Variants in ZC3H4 observed in about 807,000 individuals in gnomAD.
The protein encoded by ZC3H4 is zinc finger CCCH domain-containing protein 4.
In ZC3H4, 13 loss-of-function variants were observed where a neutral mutation model predicts 108.3. That is an observed-to-expected ratio of 0.12 (90% CI 0.08 to 0.19). ZC3H4 has a LOEUF of 0.19. ZC3H4 is among the 10% of genes least tolerant of loss of function. The pLI is 1.00. For missense variants in ZC3H4, 1,734 were observed against 1,838.8 expected (o/e 0.94, Z 1.04); for synonymous variants, 917 against 749.6 (o/e 1.22, Z -3.65).
At chr19:47,080,413 A>G (rs989966782) in intron 11 of ZC3H4, among the ~76,000 whole-genome samples, 2 of 152,128 alleles carry the variant, frequency 1.3e-5, no homozygotes, top group Non-Finnish European at 2.9e-5. Flanking sequence ...TCTAATGCAT[A>G]ATGGGGGCCC....
intron 5 of ZC3H4, 147 bp downstream of exon 5, chr19:47,089,820 T>C (rs2057699008): frequency 1.2e-6 from 1 of 810,158 alleles, no homozygotes; most frequent in South Asian, 1.7e-5. Context: ...CGGTCTCCTG[T>C]GCCATGCACA....
Position 47,064,955 on chromosome 19 carries a change from G to A in ZC3H4, c.*1401C>T, listed in dbSNP as rs1364498646. 1 of 152,252 alleles carries A rather than the reference G, an allele frequency of 6.6e-6. No homozygotes were observed. The highest frequency in any genetic ancestry group is 2.4e-5 in the African/African-American group (1 of 41,456). 9.4% of individuals were successfully genotyped at this position (152,252 alleles called of 1,614,324 possible). A position where few individuals can be genotyped will look rare whatever the true frequency, so the allele number is the denominator to read the frequency against. ...ACTAGGTCTCTTCATGGTCAGCAAT[G>A]AAGAGCTTGGCCTGCAGCCACATGG... On this transcript the variant is annotated 3_prime_UTR_variant, in exon 15 of 15. Transcript: ENST00000253048.
chr19:47,111,596 CGA>C (rs2058039766), intron 2 of ZC3H4, among the ~76,000 whole-genome samples: 1 of 152,054 alleles, frequency 6.6e-6, no homozygotes, highest in Non-Finnish European at 1.5e-5. Context: ...CTACGAAAAG[CGA>C]GAGGACCCCT....
chr19:47,112,602 G>A lies in ZC3H4; in HGVS notation c.-5-13C>T. On this transcript the variant is annotated splice_polypyrimidine_tract_variant and intron_variant, in intron 1 of 14. Transcript: ENST00000253048. The stretch of plus-strand genomic sequence containing the variant: ...GCCTCCATAGTTCCTTTGGGGGGGA[G>A]GGGATGTTAATGCACGAAAAAGGAC... 6 of 1,212,468 alleles carry A rather than the reference G, an allele frequency of 4.9e-6. No individual in the cohort carries two copies. The highest frequency in any genetic ancestry group is 6.2e-6 in the Non-Finnish European group (6 of 968,404). 75.1% of individuals were successfully genotyped at this position (1,212,468 alleles called of 1,614,324 possible). A position where few individuals can be genotyped will look rare whatever the true frequency, so the allele number is the denominator to read the frequency against.
chr19:47,069,218 C>T lies in ZC3H4; in HGVS notation c.2272G>A (p.Val758Ile), dbSNP rs2057280363. 6.2e-7 allele frequency: 1 copy of T among 1,612,956 alleles called. No individual in the cohort carries two copies. Reference sequence around the variant, plus strand: ...TGGGCTGAGGGCAGGAAGTCAGGGACACCGGCGCCTGGCTTCGGCCGGCCT... The same window carrying T: ...TGGGCTGAGGGCAGGAAGTCAGGGATACCGGCGCCTGGCTTCGGCCGGCCT... ...PPGRPKPGAGVPDFLPSAQRA... is the reference protein window; with the variant it reads ...PPGRPKPGAGIPDFLPSAQRA... Residue 758 changes from valine to isoleucine, a missense_variant, in exon 14 of 15, where the codon GTC (valine) becomes ATC (isoleucine). Val to Ile is a conservative substitution (Grantham distance 29). This residue lies in a region of ZC3H4 where 540 missense variants were observed against 484.1 expected (regional missense o/e 1.12). Transcript: ENST00000253048.
chr19:47,085,647 A>G (rs1271610323), intron 6 of ZC3H4, among the ~76,000 whole-genome samples: 2 of 151,910 alleles, frequency 1.3e-5, no homozygotes, highest in Non-Finnish European at 2.9e-5. Flanking sequence ...CGTACACATC[A>G]CTGTGGGGCT....
chr19:47,072,739 G>T lies in ZC3H4; in HGVS notation c.1441-26C>A. ...CTGCGGGTGTGAAAGAACAAAAGAA[G>T]GTGTGGACGGGGTCAGGATGGAAAC... On this transcript the variant is annotated intron_variant, in intron 11 of 14. Coordinates refer to ENST00000253048, the MANE Select transcript of ZC3H4 (RefSeq NM_015168.2). This position sits in a 1 kb window ranked among gnomAD's most constrained non-coding sequence, Gnocchi z 5.6. The T allele has an allele frequency of 4.3e-6, 7 of 1,611,606 alleles. No homozygotes were observed. Among genetic ancestry groups the T allele is most frequent in the Non-Finnish European group, 5.9e-6 (7 of 1,179,746 alleles).
Position 47,072,813 on chromosome 19 carries a change from TAC to T in ZC3H4, c.1441-102_1441-101del. ...GAAGTTTATGAGGAAAAGTCCATAA[TAC>T]AAGGACCTTGAGATCTAAAGGCATA... On this transcript the variant is annotated intron_variant, in intron 11 of 14. Coordinates refer to ENST00000253048, the MANE Select transcript of ZC3H4 (RefSeq NM_015168.2). This position sits in a 1 kb window ranked among gnomAD's most constrained non-coding sequence, Gnocchi z 5.6. 6 of 1,385,842 alleles carry T rather than the reference TAC, an allele frequency of 4.3e-6. No individual in the cohort carries two copies. Among genetic ancestry groups the T allele is most frequent in the Non-Finnish European group, 5.9e-6 (6 of 1,020,276 alleles). The allele number at this position is 1,385,842 out of a possible 1,614,324, so 85.8% of individuals were successfully genotyped here.
At position 47,112,502 on chromosome 19, in the gene ZC3H4, G is replaced by T; in HGVS notation, c.83C>A (p.Ser28Ter). ...PPSPPPPSTP[S>*]PPPCSPDARP... ...GGCGTCGGGGGAACACGGAGGAGGC[G>T]AAGGCGTTGATGGCGGCGGCGGCGA... The change falls in exon 2 of 15, where the codon TCG becomes TAG. Residue 28 changes from serine (S) to a stop codon, truncating the protein, a stop_gained. Coordinates refer to ENST00000253048, the MANE Select transcript of ZC3H4 (RefSeq NM_015168.2). LOFTEE classifies it high-confidence loss of function. 8.9e-7 allele frequency: 1 copy of T among 1,126,052 alleles called. No homozygotes were observed. The highest frequency in any genetic ancestry group is 1.1e-6 in the Non-Finnish European group (1 of 882,384). 69.8% of individuals were successfully genotyped at this position (1,126,052 alleles called of 1,614,324 possible). A position where few individuals can be genotyped will look rare whatever the true frequency, so the allele number is the denominator to read the frequency against.
rs1000841376 is a variant in ZC3H4 at position 47,112,568 on chromosome 19, C to G, written c.17G>C (p.Gly6Ala). 1 of 1,128,290 alleles carries G rather than the reference C, an allele frequency of 8.9e-7. No individual in the cohort carries two copies. Among genetic ancestry groups the G allele is most frequent in the Non-Finnish European group, 1.1e-6 (1 of 889,764 alleles). 69.9% of individuals were successfully genotyped at this position (1,128,290 alleles called of 1,614,324 possible). MEAAP[G>A]TPPPPPSESP... ...CTCTGATGGCGGCGGCGGGGGGGTC[C>G]CGGGCGCGGCCTCCATAGTTCCTTT... The change falls in exon 2 of 15, where the codon GGG becomes GCG. Residue 6 changes from glycine (G) to alanine (A), a missense_variant. Around this residue, in one of 9 missense-constraint regions of ZC3H4, gnomAD observed 112 missense variants for 73.3 expected, o/e 1.53. Coordinates refer to ENST00000253048, the MANE Select transcript of ZC3H4 (RefSeq NM_015168.2).
At chr19:47,100,854 C>T (rs1008635195) in intron 2 of ZC3H4, among the ~76,000 whole-genome samples, 5 of 151,910 alleles carry the variant, frequency 3.3e-5, no homozygotes, top group African/African-American at 9.7e-5. Flanking sequence ...CCTGCCACCG[C>T]GTCCAGATAA....
chr19:47,081,365 G>C, intron 11 of ZC3H4, 148 bp downstream of exon 11: 1 of 654,570 alleles, frequency 1.5e-6, no homozygotes, highest in Non-Finnish European at 2.8e-6. Context: ...AGAGGACACA[G>C]TGCCCGTGTC....
chr19:47,071,264 ACAC>A (rs2057320480), intron 13 of ZC3H4, among the ~76,000 whole-genome samples: 1 of 152,144 alleles, frequency 6.6e-6, no homozygotes, highest in Non-Finnish European at 1.5e-5. Context: ...AGAGGGCTGC[ACAC>A]CACATCTCCT....
At chr19:47,096,674 A>G in intron 2 of ZC3H4, 1 of 480,330 alleles carries the variant, frequency 2.1e-6, no homozygotes, top group Non-Finnish European at 2.7e-6. Flanking sequence ...CTGGGGTTCC[A>G]TAAAGAAAAG....
chr19:47,086,637 C>A (rs1318330422), intron 5 of ZC3H4, 99 bp from the exon 6 acceptor site: 9 of 1,444,910 alleles, frequency 6.2e-6, no homozygotes, highest in Non-Finnish European at 7.2e-6. Context: ...ATCACTTCAG[C>A]TGCCTCCTCC....
At chr19:47,078,389 C>T (rs1318663079) in intron 11 of ZC3H4, among the ~76,000 whole-genome samples, 2 of 151,730 alleles carry the variant, frequency 1.3e-5, no homozygotes, top group East Asian at 1.9e-4. Context: ...GAGGCCAAGG[C>T]AGGAGAATCG....
intron 5 of ZC3H4, among the ~76,000 whole-genome samples, chr19:47,087,347 T>G (rs189886237): frequency 6.6e-6 from 1 of 152,116 alleles, no homozygotes; most frequent in East Asian, 1.9e-4. Context: ...TTTGTCTAAT[T>G]TGATTACACG....
chr19:47,066,502 A>G lies in ZC3H4; in HGVS notation c.3766T>C (p.Phe1256Leu). ...GVHNLPVPTLFGTVKQTPKTG... is the reference protein window; with the variant it reads ...GVHNLPVPTLLGTVKQTPKTG... Reference sequence around the variant, plus strand: ...TTGGGTGTCTGCTTCACCGTCCCGAAGAGGGTGGGCACGGGCAGGTTGTGC... The same window carrying G: ...TTGGGTGTCTGCTTCACCGTCCCGAGGAGGGTGGGCACGGGCAGGTTGTGC... The change falls in exon 15 of 15, where the codon TTC (phenylalanine) becomes CTC (leucine). Residue 1256 changes from phenylalanine to leucine, a missense_variant. By Grantham distance (22) the Phe-to-Leu change is conservative. Around this residue, in one of 9 missense-constraint regions of ZC3H4, gnomAD observed 518 missense variants for 499.6 expected, o/e 1.04. Coordinates refer to ENST00000253048, the MANE Select transcript of ZC3H4 (RefSeq NM_015168.2). The G allele has an allele frequency of 6.3e-7, 1 of 1,578,476 alleles. No individual in the cohort carries two copies. Among genetic ancestry groups the G allele is most frequent in the Non-Finnish European group, 8.6e-7 (1 of 1,161,242 alleles).
chr19:47,084,958 G>A, intron 8 of ZC3H4, 98 bp downstream of exon 8: 2 of 1,516,326 alleles, frequency 1.3e-6, no homozygotes, highest in Non-Finnish European at 1.8e-6. Context: ...GGTGGCTGAT[G>A]GCAGCAAGGA....
Sources: gnomAD v4.1 joint callset for allele counts (sites outside exome capture counted in the v4.1 genomes callset) on GRCh38, gnomAD v4.1.1 for gene constraint, gnomAD v4.1.1 regional missense constraint, Gnocchi (gnomAD v3.1) non-coding constraint, MANE v1.5 for transcripts, NCBI Gene and HGNC (gene_info 2026-07-23, HGNC 2026-07-21) for gene names.